The following RFC3 variants were observed in gnomAD, a reference collection of about 807,000 sequenced individuals.
RFC3 encodes the protein replication factor C subunit 3.
In RFC3, 41 loss-of-function variants were observed where a neutral mutation model predicts 45.1. The observed-to-expected ratio is 0.91, with a 90% CI of 0.71 to 1.18. The LOEUF (loss-of-function observed/expected upper bound fraction) is 1.18, where lower values mean the gene tolerates loss of function less well. RFC3 is among the 50% of genes most tolerant of loss of function. The pLI is 0.00. For synonymous variants in RFC3, 149 were observed against 144.0 expected (o/e 1.03, Z -0.25); for missense variants, 423 against 428.1 (o/e 0.99, Z 0.10).
chr13:33,959,292 T>C (rs890959576), intron 8 of RFC3, among the ~76,000 whole-genome samples: 1 of 152,180 alleles, frequency 6.6e-6, no homozygotes. Context: ...ACCTGCAGAA[T>C]ACAGGCCAAA....
intron 8 of RFC3, among the ~76,000 whole-genome samples, chr13:33,892,529 A>T (rs2082570193): frequency 6.6e-6 from 1 of 152,060 alleles, no homozygotes. Context: ...TGATATCCCC[A>T]TCAGTCTTTC....
intron 8 of RFC3, among the ~76,000 whole-genome samples, chr13:33,859,195 T>C (rs1199917251): frequency 6.6e-6 from 1 of 152,186 alleles, no homozygotes; most frequent in African/African-American, 2.4e-5. Context: ...AAAACTCCAT[T>C]ATAAAACTCG....
At chr13:33,886,952 A>G (rs1043389515) in intron 8 of RFC3, among the ~76,000 whole-genome samples, 1 of 148,514 alleles carries the variant, frequency 6.7e-6, no homozygotes, top group South Asian at 2.2e-4. Flanking sequence ...TGTCCCTACA[A>G]AGGACATGAA....
rs146672453 is a variant in RFC3, at chr13:33,924,185, AC to A, written c.880-41901del. Among the ~76,000 whole-genome samples the A allele has an allele frequency of 8.4e-3, 1,278 of 152,284 alleles. 24 individuals are homozygous for A. The highest frequency in any genetic ancestry group is 0.03 in the African/African-American group (1,231 of 41,572). ...AAAACCAGATAATTGACTTTAAAAG[AC>A]AAGTGTAGATGTATTAGGTGGAAGC... is the stretch of plus-strand genomic sequence containing the variant. On this transcript the variant is annotated intron_variant, in intron 8 of 8. Coordinates refer to the RFC3 transcript ENST00000434425.
chr13:33,969,315 G>A (rs1202423672), downstream of RFC3, among the ~76,000 whole-genome samples: 1 of 152,210 alleles, frequency 6.6e-6, no homozygotes, highest in African/African-American at 2.4e-5. Flanking sequence ...CCCTTTGAAG[G>A]TGAACCTTGG....
intron 8 of RFC3, among the ~76,000 whole-genome samples, chr13:33,923,974 T>C (rs1298209272): frequency 1.3e-5 from 2 of 152,088 alleles, no homozygotes; most frequent in African/African-American, 4.8e-5. Flanking sequence ...GAAGCTGATT[T>C]CCCAAGATCC....
chr13:33,829,753 C>A, intron 4 of RFC3, 83 bp from the exon 5 acceptor site: 1 of 1,072,818 alleles, frequency 9.3e-7, no homozygotes, highest in Non-Finnish European at 1.5e-6. Flanking sequence ...GGATTTCATC[C>A]TGGATAATGA....
At chr13:33,905,548 T>C (rs2082667306) in intron 8 of RFC3, among the ~76,000 whole-genome samples, 1 of 152,058 alleles carries the variant, frequency 6.6e-6, no homozygotes, top group South Asian at 2.1e-4. Context: ...TTTATAACAA[T>C]ATCTACATTC....
At chr13:33,941,076 G>A (rs2082921084) in intron 8 of RFC3, among the ~76,000 whole-genome samples, 2 of 152,208 alleles carry the variant, frequency 1.3e-5, no homozygotes, top group South Asian at 4.1e-4. Context: ...CAGTGGATGG[G>A]AGCTGGACAT....
chr13:33,880,692 A>G (rs1650481790), intron 8 of RFC3, among the ~76,000 whole-genome samples: 1 of 152,136 alleles, frequency 6.6e-6, no homozygotes, highest in African/African-American at 2.4e-5. Context: ...TGGTAGATCA[A>G]CTCTGAATAC....
At chr13:33,831,406 G>T in intron 7 of RFC3, 52 bp downstream of exon 7, 1 of 931,394 alleles carries the variant, frequency 1.1e-6, no homozygotes, top group South Asian at 1.4e-5. Flanking sequence ...GATATCATAG[G>T]ACACATATTA....
At chr13:33,938,233 T>C (rs1395540990) in intron 8 of RFC3, among the ~76,000 whole-genome samples, 1 of 140,034 alleles carries the variant, frequency 7.1e-6, no homozygotes, top group Non-Finnish European at 1.5e-5. Context: ...TGAAAATGAC[T>C]TCAAAGCAAT....
At chr13:33,888,666 T>C (rs970285198) in intron 8 of RFC3, among the ~76,000 whole-genome samples, 2 of 152,292 alleles carry the variant, frequency 1.3e-5, no homozygotes, top group South Asian at 4.1e-4. Flanking sequence ...TGGAAAATAC[T>C]ATTTTTCTCC....
At chr13:33,886,672 T>C (rs1376666640) in intron 8 of RFC3, among the ~76,000 whole-genome samples, 1 of 151,176 alleles carries the variant, frequency 6.6e-6, no homozygotes, top group Non-Finnish European at 1.5e-5. Context: ...TTAGGGTACA[T>C]GTGCACAATG....
At chr13:33,839,682 A>T (rs1430886443), downstream of RFC3, among the ~76,000 whole-genome samples, 1 of 152,234 alleles carries the variant, frequency 6.6e-6, no homozygotes, top group Non-Finnish European at 1.5e-5. Context: ...AGAAGTAGCC[A>T]TCCACTGATT....
intron 8 of RFC3, among the ~76,000 whole-genome samples, chr13:33,886,477 C>T (rs549365260): frequency 2.6e-4 from 39 of 148,140 alleles, no homozygotes; most frequent in East Asian, 7.9e-4. Flanking sequence ...ACCTGGGAGG[C>T]GGAGGTTGCA....
At chr13:33,830,483 G>A (rs548679394) in intron 5 of RFC3, among the ~76,000 whole-genome samples, 1 of 152,206 alleles carries the variant, frequency 6.6e-6, no homozygotes, top group Admixed American at 6.5e-5. Context: ...CAAAAATTAT[G>A]ATTCCTCACA....
intron 8 of RFC3, among the ~76,000 whole-genome samples, chr13:33,843,252 T>A (rs2139447189): frequency 6.6e-6 from 1 of 152,128 alleles, no homozygotes; most frequent in East Asian, 1.9e-4. Flanking sequence ...TGGAGCATTA[T>A]CACAAGATGT....
At chr13:33,826,140 G>A (rs2082047163) in intron 4 of RFC3, among the ~76,000 whole-genome samples, 1 of 152,006 alleles carries the variant, frequency 6.6e-6, no homozygotes, top group African/African-American at 2.4e-5. Flanking sequence ...TTATGACCGA[G>A]TCATATGTTC....
Sources: allele counts gnomAD v4.1 joint callset (sites outside exome capture counted in the v4.1 genomes callset), GRCh38; gene constraint gnomAD v4.1.1; transcripts MANE v1.5; gene names NCBI Gene and HGNC (gene_info 2026-07-23, HGNC 2026-07-21).